ROCK1: variants seen among roughly 807,000 people sequenced by gnomAD.
ROCK1 encodes the protein Rho associated coiled-coil containing protein kinase 1.
A neutral mutation model predicts 196.8 loss-of-function variants in ROCK1; 36 were observed. The ratio of observed to expected loss-of-function variants is 0.18; its 90% CI spans 0.14 to 0.24. ROCK1 has a LOEUF of 0.24. Among genes scored for constraint, ROCK1 ranks in the 10% least tolerant of loss-of-function variants. The probability of loss-of-function intolerance (pLI) is 1.00; values close to 1 mark genes in which losing one functional copy is unlikely to be tolerated. For missense variants in ROCK1, 920 were observed against 1,562.0 expected (o/e 0.59, Z 6.93); for synonymous variants, 443 against 515.9 (o/e 0.86, Z 1.91).
At chr18:21,106,026 A>T (rs1441407833) in intron 1 of ROCK1, among the ~76,000 whole-genome samples, 2 of 152,204 alleles carry the variant, frequency 1.3e-5, no homozygotes, top group Non-Finnish European at 2.9e-5. Context: ...ATTTACATTT[A>T]TCTTCCACAT....
chr18:21,103,194 T>C (rs543130771), intron 1 of ROCK1, among the ~76,000 whole-genome samples: 1 of 152,292 alleles, frequency 6.6e-6, no homozygotes, highest in South Asian at 2.1e-4. Flanking sequence ...ACACTTCCTA[T>C]GTTCAGAAAG....
At position 21,049,210 on chromosome 18, in the gene ROCK1, C is replaced by T. The variant is rs752918923; in HGVS notation, c.296G>A (p.Arg99Lys). ...EVQLVRHKSTRKVYAMKLLSK... is the reference protein window; with the variant it reads ...EVQLVRHKSTKKVYAMKLLSK... Reference sequence around the variant, plus strand: ...GAGAAGCTTCATAGCATATACCTTCCTGGTGGATTTATGCCTTACCTTTAA... The same window carrying T: ...GAGAAGCTTCATAGCATATACCTTCTTGGTGGATTTATGCCTTACCTTTAA... The change falls in exon 4 of 33, where the codon AGG (arginine) becomes AAG (lysine). Residue 99 changes from arginine (R) to lysine (K), a missense_variant. Transcript: ENST00000399799. 1 of 1,600,556 alleles carries T rather than the reference C, an allele frequency of 6.2e-7. No homozygotes were observed. The highest frequency in any genetic ancestry group is 1.1e-5 in the South Asian group (1 of 88,832).
At chr18:20,984,161 A>T (rs2035557590) in intron 20 of ROCK1, among the ~76,000 whole-genome samples, 190 bp downstream of exon 20, 1 of 152,166 alleles carries the variant, frequency 6.6e-6, no homozygotes, top group African/African-American at 2.4e-5. Flanking sequence ...CAGATGAGAA[A>T]ACTGTGGTCT....
chr18:21,050,919 C>T (rs188547004), intron 2 of ROCK1, among the ~76,000 whole-genome samples: 3 of 152,232 alleles, frequency 2.0e-5, no homozygotes, highest in Admixed American at 1.3e-4. Flanking sequence ...ATAAACATAA[C>T]TTTAAAATGT....
intron 1 of ROCK1, among the ~76,000 whole-genome samples, chr18:21,099,146 T>C (rs1269223193): frequency 6.6e-6 from 1 of 152,174 alleles, no homozygotes; most frequent in African/African-American, 2.4e-5. Flanking sequence ...CATAGGAGAC[T>C]GAATTAACAA....
intron 6 of ROCK1, among the ~76,000 whole-genome samples, chr18:21,043,816 T>C (rs1448373861): frequency 6.6e-6 from 1 of 151,982 alleles, no homozygotes; most frequent in African/African-American, 2.4e-5. Flanking sequence ...GCTAATTCCA[T>C]TCCTAGTTAC....
At chr18:21,049,999 A>G (rs1382331744) in intron 2 of ROCK1, 119 bp from the exon 3 acceptor site, 1 of 510,762 alleles carries the variant, frequency 2.0e-6, no homozygotes, top group African/African-American at 2.0e-5. Flanking sequence ...ATGAAGAATT[A>G]TTTGAAAATA....
rs553384218 is a variant in ROCK1, at chr18:20,983,132, T to C, written c.2490-300A>G. Among the ~76,000 whole-genome samples the C allele has an allele frequency of 2.8e-3, 427 of 151,454 alleles. 1 individual carries two copies. The highest frequency in any genetic ancestry group is 5.3e-3 in the Non-Finnish European group (362 of 67,920). On this transcript the variant is annotated intron_variant, in intron 20 of 32. Coordinates refer to ENST00000399799, the MANE Select transcript of ROCK1 (RefSeq NM_005406.3). ...AAATGAAAAAATAAAATTGATACCA[T>C]ATTTTTGGTAAATTTTTACAGAGAA...
intron 9 of ROCK1, among the ~76,000 whole-genome samples, chr18:21,031,907 A>G (rs1014941249): frequency 1.3e-5 from 2 of 152,192 alleles, no homozygotes; most frequent in Admixed American, 6.5e-5. Context: ...GAACTTGAAG[A>G]TAGGACAAAT....
chr18:21,001,670 C>T (rs1188270375), intron 16 of ROCK1, among the ~76,000 whole-genome samples: 1 of 151,488 alleles, frequency 6.6e-6, no homozygotes. Context: ...GAGGCTGAGG[C>T]AGGAGAACCA....
At chr18:20,976,361 T>A (rs1288609884) in intron 22 of ROCK1, among the ~76,000 whole-genome samples, 1 of 152,222 alleles carries the variant, frequency 6.6e-6, no homozygotes, top group African/African-American at 2.4e-5. Flanking sequence ...TAGAAAATTG[T>A]CTGGAGGGAT....
At chr18:21,033,549 T>A (rs1307323918) in intron 9 of ROCK1, among the ~76,000 whole-genome samples, 1 of 151,982 alleles carries the variant, frequency 6.6e-6, no homozygotes, top group Non-Finnish European at 1.5e-5. Context: ...CTATCTCTAT[T>A]TGCAGGTGAC....
At chr18:21,109,683 T>C (rs2036732887) in intron 1 of ROCK1, among the ~76,000 whole-genome samples, 1 of 152,186 alleles carries the variant, frequency 6.6e-6, no homozygotes. Flanking sequence ...GGAAGCTTGT[T>C]GTAAAACCCA....
chr18:21,087,937 A>G (rs1273284484), intron 1 of ROCK1, among the ~76,000 whole-genome samples: 6 of 152,242 alleles, frequency 3.9e-5, no homozygotes, highest in Non-Finnish European at 7.3e-5. Flanking sequence ...TCAGCAAATT[A>G]AAAAGAATTA....
rs185409487 is a variant in ROCK1 at position 20,983,209 on chromosome 18, G to A, written c.2490-377C>T. Reference sequence around the variant, plus strand: ...TGTACAGTAAATAAAAAAAGAGGGGGGCATGAAAAATTTAATAATAATTCA... The same window carrying A: ...TGTACAGTAAATAAAAAAAGAGGGGAGCATGAAAAATTTAATAATAATTCA... On this transcript the variant is annotated intron_variant, in intron 20 of 32. Coordinates refer to ENST00000399799, the MANE Select transcript of ROCK1 (RefSeq NM_005406.3). Among the ~76,000 whole-genome samples, 4 of 149,256 alleles carry A rather than the reference G, an allele frequency of 2.7e-5. No homozygotes were observed. The Admixed American group carries it at 2.7e-4, about 10-fold the overall frequency.
intron 13 of ROCK1, among the ~76,000 whole-genome samples, chr18:21,009,295 G>A (rs1243637932): frequency 6.7e-6 from 1 of 149,824 alleles, no homozygotes; most frequent in African/African-American, 2.4e-5. Flanking sequence ...TTACAGGCGT[G>A]AGTCACCGCG....
chr18:21,095,148 C>T lies in ROCK1; in HGVS notation c.93+15670G>A, dbSNP rs188454965. Among the ~76,000 whole-genome samples, 219 of 148,536 alleles carry T rather than the reference C, an allele frequency of 1.5e-3. 1 individual carries two copies. In the East Asian group the frequency reaches 0.016, roughly 11 times the overall value. ...ATCAGAGAAATGCAAATCAAAACTACAATGTGGTATCATTTCACCCCAGTT... is the reference window on the plus strand; with the variant it reads ...ATCAGAGAAATGCAAATCAAAACTATAATGTGGTATCATTTCACCCCAGTT... On this transcript the variant is annotated intron_variant, in intron 1 of 32. Coordinates refer to ENST00000399799, the MANE Select transcript of ROCK1 (RefSeq NM_005406.3).
Position 20,967,798 on chromosome 18 carries a change from T to A in ROCK1, c.3146A>T (p.Asn1049Ile). Residue 1049 changes from asparagine to isoleucine, a missense_variant, in exon 26 of 33, where the codon AAC (asparagine) becomes ATC (isoleucine). Transcript: ENST00000399799. Reference sequence around the variant, plus strand: ...CTTCTGATGTTTCACTACCATCTGGTTGAATTTCTCTCTTTCTTGGTTGAG... The same window carrying A: ...CTTCTGATGTTTCACTACCATCTGGATGAATTTCTCTCTTTCTTGGTTGAG... ...LELNQEREKF[N>I]QMVVKHQKEL... The A allele has an allele frequency of 6.2e-7, 1 of 1,606,496 alleles. No homozygotes were observed. The highest frequency in any genetic ancestry group is 8.5e-7 in the Non-Finnish European group (1 of 1,177,782).
intron 29 of ROCK1, among the ~76,000 whole-genome samples, chr18:20,958,944 TAATA>T (rs1241965908): frequency 2.1e-5 from 2 of 94,936 alleles, no homozygotes; most frequent in South Asian, 2.6e-4. Flanking sequence ...ATATAAAAAA[TAATA>T]TATATATTTT....
Sources: gnomAD v4.1 joint callset for allele counts (sites outside exome capture counted in the v4.1 genomes callset) on GRCh38, gnomAD v4.1.1 for gene constraint, MANE v1.5 for transcripts, NCBI Gene and HGNC (gene_info 2026-07-23, HGNC 2026-07-21) for gene names.